Variants in SLC2A9 observed in about 807,000 individuals in gnomAD.
SLC2A9 encodes solute carrier family 2, facilitated glucose transporter member 9.
SLC2A9 carries 39 observed loss-of-function variants against 50.6 expected under a neutral mutation model. That is an observed-to-expected ratio of 0.77 (90% CI 0.60 to 1.01). SLC2A9 has a LOEUF of 1.01. Among genes scored for constraint, SLC2A9 ranks in the 50% least tolerant of loss-of-function variants. The probability of loss-of-function intolerance (pLI) is 0.00; values close to 1 mark genes in which losing one functional copy is unlikely to be tolerated. For missense variants in SLC2A9, 686 were observed against 677.6 expected (o/e 1.01, Z -0.14); for synonymous variants, 324 against 276.9 (o/e 1.17, Z -1.69).
chr4:9,858,840 A>G (rs1170356493), intron 10 of SLC2A9, among the ~76,000 whole-genome samples: 1 of 152,216 alleles, frequency 6.6e-6, no homozygotes, highest in Non-Finnish European at 1.5e-5. Context: ...CCCACCCTCC[A>G]TCTGGTTGGG....
intron 5 of SLC2A9, among the ~76,000 whole-genome samples, chr4:9,968,744 C>T (rs1423592045): frequency 6.6e-6 from 1 of 152,150 alleles, no homozygotes; most frequent in African/African-American, 2.4e-5. Flanking sequence ...GAACCAATCA[C>T]ATAGAAGGAG....
intron 3 of SLC2A9, among the ~76,000 whole-genome samples, chr4:9,987,884 G>C (rs891293455): frequency 6.6e-6 from 1 of 152,136 alleles, no homozygotes; most frequent in Non-Finnish European, 1.5e-5. Context: ...AGCCTGGCTG[G>C]AGGCAGTAGG....
At position 10,018,997 on chromosome 4, in the gene SLC2A9, G is replaced by A. The variant is rs941788472; in HGVS notation, c.227C>T (p.Ser76Leu). 1.9e-6 allele frequency: 3 copies of A among 1,550,196 alleles called. No individual in the cohort carries two copies. Among genetic ancestry groups the A allele is most frequent in the African/African-American group, 1.4e-5 (1 of 73,028 alleles). ...GSSFLYGYNLSVVNAPTPYIK... is the reference protein window; with the variant it reads ...GSSFLYGYNLLVVNAPTPYIK... ...CACCGGGGTGGGGGCATTCACCACCGACAGGTTGTAGCCGTAGAGGAAGGA... is the reference window on the plus strand; with the variant it reads ...CACCGGGGTGGGGGCATTCACCACCAACAGGTTGTAGCCGTAGAGGAAGGA... Residue 76 changes from serine to leucine, a missense_variant, in exon 2 of 12, where the codon TCG (serine) becomes TTG (leucine). Transcript: ENST00000264784.
At chr4:9,781,070 T>C (rs1041073895) in intron 3 of SLC2A9, among the ~76,000 whole-genome samples, 5 of 151,646 alleles carry the variant, frequency 3.3e-5, no homozygotes, top group Middle Eastern at 3.4e-3. Context: ...AGCCTCAGGG[T>C]GTTGAGAGAG....
intron 1 of SLC2A9, chr4:10,029,413 G>A (rs1162638749): frequency 6.6e-6 from 1 of 152,152 alleles, no homozygotes; most frequent in Non-Finnish European, 1.5e-5. Context: ...GATGCTTTAG[G>A]TAGCCTTAGC....
chr4:9,931,950 CTCTCTCTCTCTCTA>C (rs1338871367), intron 6 of SLC2A9, among the ~76,000 whole-genome samples: 1 of 58,662 alleles, frequency 1.7e-5, no homozygotes, highest in East Asian at 5.4e-4. Flanking sequence ...CTCTCTCTCT[CTCTCTCTCTCTCTA>C]TATATATATA....
At chr4:10,009,138 C>G (rs1761334564) in intron 2 of SLC2A9, among the ~76,000 whole-genome samples, 1 of 152,130 alleles carries the variant, frequency 6.6e-6, no homozygotes, top group Non-Finnish European at 1.5e-5. Flanking sequence ...CTATGCCTCC[C>G]CCTCACCCCA....
intron 2 of SLC2A9, among the ~76,000 whole-genome samples, chr4:10,008,746 C>T (rs966836018): frequency 6.6e-6 from 1 of 152,094 alleles, no homozygotes; most frequent in Non-Finnish European, 1.5e-5. Flanking sequence ...GCTAGGTAGC[C>T]TTAGGCCAGT....
downstream of SLC2A9, among the ~76,000 whole-genome samples, chr4:9,778,643 TC>T (rs1402831804): frequency 6.6e-6 from 1 of 152,158 alleles, no homozygotes; most frequent in African/African-American, 2.4e-5. Context: ...TCCTCCCTCC[TC>T]CGGCTTTTCA....
At chr4:9,912,663 A>C (rs1742065003) in intron 7 of SLC2A9, among the ~76,000 whole-genome samples, 2 of 152,206 alleles carry the variant, frequency 1.3e-5, no homozygotes, top group Admixed American at 1.3e-4. Context: ...TTTTGCCTAG[A>C]ACAAGGTGAT....
chr4:10,035,113 T>A (rs1363563318), intron 1 of SLC2A9: 1 of 152,298 alleles, frequency 6.6e-6, no homozygotes, highest in Admixed American at 6.5e-5. Flanking sequence ...GTTGGCCCCC[T>A]CCTGGTAGAG....
chr4:9,909,099 G>A (rs1254499291), intron 7 of SLC2A9, among the ~76,000 whole-genome samples: 1 of 152,164 alleles, frequency 6.6e-6, no homozygotes, highest in Non-Finnish European at 1.5e-5. Flanking sequence ...AATCCACAAT[G>A]CATACAAGGT....
At chr4:9,816,971 C>A (rs1350108022) in intron 3 of SLC2A9, among the ~76,000 whole-genome samples, 8 of 152,180 alleles carry the variant, frequency 5.3e-5, no homozygotes, top group African/African-American at 2.4e-5. Flanking sequence ...TAATACATTT[C>A]TTTTCCTTTT....
chr4:9,956,066 A>T (rs112756483), intron 5 of SLC2A9, among the ~76,000 whole-genome samples: 73,018 of 151,142 alleles, frequency 0.48, 18,943 homozygotes, highest in African/African-American at 0.67. Flanking sequence ...TTTAGTACAG[A>T]TGGGGTTTCA....
intron 3 of SLC2A9, among the ~76,000 whole-genome samples, chr4:9,986,281 C>A (rs1756701988): frequency 6.6e-6 from 1 of 152,136 alleles, no homozygotes; most frequent in African/African-American, 2.4e-5. Context: ...GCCCCGAAGA[C>A]CTTTGAGAGT....
chr4:9,898,258 A>G (rs1738934361), intron 8 of SLC2A9, among the ~76,000 whole-genome samples: 1 of 152,242 alleles, frequency 6.6e-6, no homozygotes, highest in South Asian at 2.1e-4. Context: ...TGTATGTAAA[A>G]AAAAGAAGGA....
At chr4:9,859,643 A>C (rs866497266) in intron 10 of SLC2A9, among the ~76,000 whole-genome samples, 1 of 152,240 alleles carries the variant, frequency 6.6e-6, no homozygotes, top group African/African-American at 2.4e-5. Flanking sequence ...CACTCTGTGC[A>C]CAAGTGACCT....
intron 7 of SLC2A9, among the ~76,000 whole-genome samples, chr4:9,917,325 CT>C (rs55927201): frequency 0.028 from 2,273 of 81,812 alleles, 23 homozygotes; most frequent in Middle Eastern, 0.1. Flanking sequence ...TTCTTTTTTC[CT>C]TTTTTTTTTT....
At chr4:9,898,830 G>A (rs1739063961) in intron 8 of SLC2A9, among the ~76,000 whole-genome samples, 1 of 152,162 alleles carries the variant, frequency 6.6e-6, no homozygotes, top group Non-Finnish European at 1.5e-5. Flanking sequence ...AGGGATCCCA[G>A]CCAAAGGCAA....
Sources: gnomAD v4.1 joint callset for allele counts (sites outside exome capture counted in the v4.1 genomes callset) on GRCh38, gnomAD v4.1.1 for gene constraint, MANE v1.5 for transcripts, NCBI Gene and HGNC (gene_info 2026-07-23, HGNC 2026-07-21) for gene names.